NUP214: variants seen among roughly 807,000 people sequenced by gnomAD.
NUP214 encodes the protein nuclear pore complex protein Nup214.
NUP214 carries 79 observed loss-of-function variants against 196.2 expected under a neutral mutation model. The ratio of observed to expected loss-of-function variants is 0.40; its 90% CI spans 0.34 to 0.49. The LOEUF is 0.49. Among genes scored for constraint, NUP214 ranks in the 20% least tolerant of loss-of-function variants. The pLI is 0.58. For missense variants in NUP214, 2,468 were observed against 2,539.0 expected, an observed-to-expected ratio of 0.97 and a Z score of 0.60; for synonymous variants, 1,020 against 990.5, an observed-to-expected ratio of 1.03 and a Z score of -0.56.
intron 32 of NUP214, among the ~76,000 whole-genome samples, chr9:131,223,711 T>TTTTTTTTATTTATTTATTTA (rs1554742594): frequency 3.7e-5 from 1 of 27,136 alleles, no homozygotes; most frequent in Non-Finnish European, 8.0e-5. Context: ...TTTTTTTTAT[T>TTTTTTTTATTTATTTATTTA]TTTATTTATT....
rs1287376232 is a variant in NUP214, at chr9:131,175,480, A to G, written c.3178A>G (p.Ile1060Val). Residue 1060 changes from isoleucine (I) to valine (V), a missense_variant, in exon 23 of 36, where the codon ATT becomes GTT. This residue lies in a region of NUP214 where 1,801 missense variants were observed against 1,779.4 expected (regional missense o/e 1.01). Transcript: ENST00000359428. ...GTSVATSASK[I>V]IPQGADSTML... is the part of the protein sequence containing the mutation. ...CTTAGTGGCTACATCTGCTAGCAAA[A>G]TTATTCCTCAAGGGGCCGATAGCAC... The G allele has an allele frequency of 6.2e-7, 1 of 1,614,134 alleles. No individual in the cohort carries two copies. The highest frequency in any genetic ancestry group is 1.1e-5 in the South Asian group (1 of 91,080).
Position 131,133,114 on chromosome 9 carries a change from G to A in NUP214, c.736G>A (p.Val246Met). The A allele has an allele frequency of 5.0e-6, 8 of 1,611,214 alleles. No homozygotes were observed. In the South Asian group the frequency reaches 5.5e-5, roughly 11 times the overall value. Residue 246 changes from valine (V) to methionine (M), a missense_variant, in exon 7 of 36, where the codon GTG becomes ATG. By Grantham distance (21) the Val-to-Met change is conservative (BLOSUM62 1). Coordinates refer to ENST00000359428, the MANE Select transcript of NUP214 (RefSeq NM_005085.4). ...TAAGATGTGTCTTTCAGTTCTGGAT[G>A]TGCTGTGGATTGGTACCTACGTCTT... ...ESDHPVRVLD[V>M]LWIGTYVFAI...
intron 15 of NUP214, 72 bp downstream of exon 15, chr9:131,150,482 T>C: frequency 6.4e-7 from 1 of 1,571,562 alleles, no homozygotes. Flanking sequence ...TGCCAACCCC[T>C]GTATGACTAG....
chr9:131,143,593 T>C (rs1312381608), intron 11 of NUP214, among the ~76,000 whole-genome samples: 2 of 151,310 alleles, frequency 1.3e-5, no homozygotes, highest in African/African-American at 4.8e-5. Context: ...TTTATATTTC[T>C]TTGATTAGAG....
intron 17 of NUP214, among the ~76,000 whole-genome samples, chr9:131,156,300 T>A (rs1289919585): frequency 1.3e-5 from 2 of 151,818 alleles, no homozygotes; most frequent in Non-Finnish European, 2.9e-5. Flanking sequence ...GCCCGGCTAA[T>A]TTTTTGTATT....
At chr9:131,199,819 C>G (rs549737837) in intron 29 of NUP214, among the ~76,000 whole-genome samples, 22 of 152,032 alleles carry the variant, frequency 1.4e-4, no homozygotes, top group Non-Finnish European at 2.6e-4. Flanking sequence ...ATTCATTATT[C>G]GATGATAACT....
Position 131,197,469 on chromosome 9 carries a change from T to C in NUP214, c.3975T>C (p.Ser1325=). 3 of 1,614,218 alleles carry C rather than the reference T, an allele frequency of 1.9e-6. No individual in the cohort carries two copies. Among genetic ancestry groups the C allele is most frequent in the Non-Finnish European group, 2.5e-6 (3 of 1,180,030 alleles). The change falls in exon 29 of 36, where the codon TCT becomes TCC. Residue 1325 remains serine, a synonymous_variant. Coordinates refer to ENST00000359428, the MANE Select transcript of NUP214 (RefSeq NM_005085.4). ...SKLGELLFPS[S]LAGETLGSFS... is the part of the protein sequence containing the mutation. The stretch of plus-strand genomic sequence containing the variant: ...TGGGAGAGCTTCTGTTTCCAAGTTC[T>C]TTGGCTGGAGAGACTCTGGGAAGTT...
intron 27 of NUP214, among the ~76,000 whole-genome samples, chr9:131,193,744 C>T (rs983787992): frequency 7.0e-6 from 1 of 142,604 alleles, no homozygotes; most frequent in Non-Finnish European, 1.5e-5. Context: ...CTTCACCTCC[C>T]GGGTTCAAGT....
intron 6 of NUP214, 164 bp downstream of exon 6, chr9:131,132,823 T>G: frequency 1.5e-6 from 1 of 653,304 alleles, no homozygotes; most frequent in Middle Eastern, 3.0e-4. Context: ...ATTATGGCCC[T>G]CTGGGTGACA....
intron 27 of NUP214, 143 bp downstream of exon 27, chr9:131,192,435 G>A (rs910030291): frequency 2.6e-5 from 13 of 505,000 alleles, no homozygotes; most frequent in Non-Finnish European, 3.8e-5. Flanking sequence ...GATGATAGTG[G>A]CAATAGTTTA....
chr9:131,186,547 C>T (rs932474668), intron 24 of NUP214, among the ~76,000 whole-genome samples: 4 of 152,158 alleles, frequency 2.6e-5, no homozygotes, highest in African/African-American at 4.8e-5. Flanking sequence ...GTCAGAGTAG[C>T]GCTGGGCTGA....
intron 30 of NUP214, among the ~76,000 whole-genome samples, chr9:131,213,371 C>A (rs960361553): frequency 6.6e-6 from 1 of 152,084 alleles, no homozygotes; most frequent in Admixed American, 6.6e-5. Context: ...GACAGGGTTT[C>A]TCCATGTTGG....
chr9:131,201,500 G>A, intron 29 of NUP214, 147 bp from the exon 30 acceptor site: 1 of 594,094 alleles, frequency 1.7e-6, no homozygotes, highest in Non-Finnish European at 3.0e-6. Context: ...GGGAGGCAGA[G>A]GTTGCAGTGA....
At chr9:131,228,503 G>A (rs941186381) in intron 33 of NUP214, 172 bp downstream of exon 33, 3 of 566,148 alleles carry the variant, frequency 5.3e-6, no homozygotes, top group East Asian at 3.6e-5. Flanking sequence ...GACTCATTTC[G>A]TTCAAGCCAG....
At position 131,197,621 on chromosome 9, in the gene NUP214, C is replaced by G. The variant is rs748713742; in HGVS notation, c.4127C>G (p.Ala1376Gly). 5.6e-6 allele frequency: 9 copies of G among 1,613,716 alleles called. No individual in the cohort carries two copies. The highest frequency in any genetic ancestry group is 3.3e-5 in the South Asian group (3 of 91,066). ...SGVPSGFNFT[A>G]PPVLGKHTEP... ...GTGCCCTCAGGGTTTAATTTTACTG[C>G]CCCCCCGGTGTTAGGGAAGCACACG... Residue 1376 changes from alanine to glycine, a missense_variant, in exon 29 of 36, where the codon GCC (alanine) becomes GGC (glycine). Physicochemically the swap from Ala to Gly is moderately conservative, Grantham distance 60. Transcript: ENST00000359428.
chr9:131,201,723 T>C lies in NUP214; in HGVS notation c.5592+6T>C, dbSNP rs1472113238. 1.9e-6 allele frequency: 3 copies of C among 1,611,666 alleles called. No homozygotes were observed. The Admixed American group carries it at 5.0e-5, about 27-fold the overall frequency. ...GTGGAATAGTCTTTGGCCAGGTAAATATGCATTTGTCTTCATTCACGTCAA... is the reference window on the plus strand; with the variant it reads ...GTGGAATAGTCTTTGGCCAGGTAAACATGCATTTGTCTTCATTCACGTCAA... On this transcript the variant is annotated splice_donor_region_variant and intron_variant, in intron 30 of 35. Transcript: ENST00000359428.
chr9:131,156,557 G>GTT (rs552904479), intron 17 of NUP214, among the ~76,000 whole-genome samples: 2 of 138,772 alleles, frequency 1.4e-5, no homozygotes, highest in Admixed American at 7.2e-5. Flanking sequence ...ATATTCCTAA[G>GTT]TTTTTTTTTT....
chr9:131,204,040 G>A (rs1433824131), intron 30 of NUP214, among the ~76,000 whole-genome samples: 4 of 144,636 alleles, frequency 2.8e-5, no homozygotes, highest in African/African-American at 5.1e-5. Flanking sequence ...CAGAGGCAGC[G>A]CAGGCCCACC....
intron 9 of NUP214, chr9:131,136,796 T>A (rs1049538266): frequency 1.3e-5 from 2 of 152,222 alleles, no homozygotes; most frequent in African/African-American, 4.8e-5. Context: ...GGTGGTGCGC[T>A]ATCCACTTGT....
Sources: gnomAD v4.1 joint callset for allele counts (sites outside exome capture counted in the v4.1 genomes callset) on GRCh38, gnomAD v4.1.1 for gene constraint, gnomAD v4.1.1 regional missense constraint, MANE v1.5 for transcripts, NCBI Gene and HGNC (gene_info 2026-07-23, HGNC 2026-07-21) for gene names.